The following MAML3 variants were observed in gnomAD, a reference collection of about 807,000 sequenced individuals.
MAML3 encodes mastermind like transcriptional coactivator 3.
Under a neutral mutation model 101.9 loss-of-function variants are expected in MAML3, and 27 were observed. The ratio of observed to expected loss-of-function variants is 0.27; its 90% confidence interval spans 0.20 to 0.37. The LOEUF is 0.37. Ranked by LOEUF, MAML3 falls within the 10% of genes least tolerant of loss-of-function variation. MAML3 has a pLI of 1.00. For synonymous variants in MAML3, 501 were observed against 555.9 expected (o/e 0.90, Z 1.39); for missense variants, 1,316 against 1,444.9 (o/e 0.91, Z 1.45).
intron 1 of MAML3, among the ~76,000 whole-genome samples, chr4:139,940,005 T>C (rs557123123): frequency 6.6e-6 from 1 of 151,962 alleles, no homozygotes; most frequent in Non-Finnish European, 1.5e-5. Context: ...ACCTTGTGAT[T>C]CGTCCACCTC....
At chr4:140,075,918 A>C (rs568612529) in intron 1 of MAML3, among the ~76,000 whole-genome samples, 2 of 152,164 alleles carry the variant, frequency 1.3e-5, no homozygotes, top group African/African-American at 4.8e-5. Context: ...GCACCACAAC[A>C]ACCAGCTAAT....
At position 139,735,086 on chromosome 4, in the gene MAML3, C is replaced by G. The variant is rs561941753; in HGVS notation, c.2080-4419G>C. ...GCCCGCCCCTCCGCGGCCCCCGCCC[C>G]GCGCGTCTGGGCGAGCGCTGCGAAC... On this transcript the variant is annotated intron_variant, in intron 2 of 4. Coordinates refer to ENST00000509479, the MANE Select transcript of MAML3 (RefSeq NM_018717.5). This position sits in a 1 kb window ranked among gnomAD's most constrained non-coding sequence, Gnocchi z 5.8. 6.6e-6 allele frequency among the ~76,000 whole-genome samples: 1 copy of G among 152,206 alleles called. No individual in the cohort carries two copies. Among genetic ancestry groups the G allele is most frequent in the Non-Finnish European group, 1.5e-5 (1 of 68,030 alleles).
At chr4:140,098,156 T>A (rs546796563) in intron 1 of MAML3, among the ~76,000 whole-genome samples, 2 of 152,354 alleles carry the variant, frequency 1.3e-5, no homozygotes, top group South Asian at 4.1e-4. Context: ...TTTGCATATG[T>A]GAAGTGTGTT....
intron 2 of MAML3, among the ~76,000 whole-genome samples, chr4:139,736,051 T>C (rs1728931083): frequency 6.6e-6 from 1 of 151,894 alleles, no homozygotes; most frequent in Admixed American, 6.6e-5. Context: ...AGAGTAAAAA[T>C]AAATCAATGC....
At chr4:139,828,975 G>GAGGAAGGAAGGAAGGA (rs548032946) in intron 2 of MAML3, among the ~76,000 whole-genome samples, 5 of 135,202 alleles carry the variant, frequency 3.7e-5, no homozygotes, top group Non-Finnish European at 7.8e-5. Context: ...CCTGTTGAAA[G>GAGGAAGGAAGGAAGGA]AGGAAGGAAG....
intron 2 of MAML3, among the ~76,000 whole-genome samples, chr4:139,753,277 T>C (rs1042886534): frequency 2.6e-5 from 4 of 152,228 alleles, no homozygotes; most frequent in African/African-American, 7.2e-5. Flanking sequence ...AACTTTTTCA[T>C]CTTAAACAGA....
intron 1 of MAML3, among the ~76,000 whole-genome samples, chr4:139,997,147 T>C (rs537729380): frequency 8.3e-4 from 125 of 150,340 alleles, no homozygotes; most frequent in East Asian, 6.4e-3. Flanking sequence ...TATATATATA[T>C]ACACACACAT....
At chr4:139,772,014 C>T (rs188407739) in intron 2 of MAML3, among the ~76,000 whole-genome samples, 2,029 of 149,690 alleles carry the variant, frequency 0.014, 21 homozygotes, top group South Asian at 0.059. Flanking sequence ...CCGAGGTGGG[C>T]GGATCACGAG....
At chr4:140,145,982 C>T (rs1368165948) in intron 1 of MAML3, among the ~76,000 whole-genome samples, 1 of 144,962 alleles carries the variant, frequency 6.9e-6, no homozygotes, top group East Asian at 2.0e-4. Context: ...CAAGCAATTC[C>T]CCTGCCTCAG....
chr4:139,900,407 G>T (rs1732694420), intron 1 of MAML3, among the ~76,000 whole-genome samples: 1 of 152,150 alleles, frequency 6.6e-6, no homozygotes, highest in Non-Finnish European at 1.5e-5. Context: ...AACATATTGG[G>T]AATGGATCGT....
chr4:139,960,269 A>T (rs1179055752), intron 1 of MAML3, among the ~76,000 whole-genome samples: 1 of 152,220 alleles, frequency 6.6e-6, no homozygotes, highest in Middle Eastern at 3.2e-3. Flanking sequence ...GTGTCAAAGA[A>T]GGAATATGAA....
At chr4:139,829,093 G>C (rs558405399) in intron 2 of MAML3, among the ~76,000 whole-genome samples, 2 of 148,372 alleles carry the variant, frequency 1.3e-5, no homozygotes, top group East Asian at 4.0e-4. Context: ...AGGAAGGAAG[G>C]GGAAAAGGAA....
chr4:139,971,339 T>C (rs1297420784), intron 1 of MAML3, among the ~76,000 whole-genome samples: 1 of 152,220 alleles, frequency 6.6e-6, no homozygotes, highest in African/African-American at 2.4e-5. Flanking sequence ...TCTCTTTATC[T>C]CCAGCTCCAC....
chr4:139,903,407 C>T (rs1464235887), intron 1 of MAML3, among the ~76,000 whole-genome samples: 1 of 152,164 alleles, frequency 6.6e-6, no homozygotes, highest in Non-Finnish European at 1.5e-5. Context: ...CCTTTCTTGA[C>T]AAAAATGTAC....
chr4:140,052,787 G>A (rs1578660311), intron 1 of MAML3, among the ~76,000 whole-genome samples: 1 of 151,824 alleles, frequency 6.6e-6, no homozygotes, highest in Non-Finnish European at 1.5e-5. Flanking sequence ...CACCCATCTC[G>A]CCCTCCCAAA....
intron 1 of MAML3, among the ~76,000 whole-genome samples, chr4:140,065,956 G>A (rs1443179590): frequency 6.6e-6 from 1 of 152,082 alleles, no homozygotes; most frequent in Non-Finnish European, 1.5e-5. Flanking sequence ...CTTTACAAAA[G>A]GATTTACTCA....
chr4:139,870,680 C>G (rs1041239542), intron 2 of MAML3, among the ~76,000 whole-genome samples: 10 of 152,178 alleles, frequency 6.6e-5, no homozygotes, highest in African/African-American at 9.6e-5. Flanking sequence ...CTCACTCTGT[C>G]GCCCAGGCTG....
At chr4:139,822,483 C>G (rs1317732253) in intron 2 of MAML3, among the ~76,000 whole-genome samples, 1 of 152,152 alleles carries the variant, frequency 6.6e-6, no homozygotes. Flanking sequence ...AGGCCTCGTG[C>G]TTTTGAGTCT....
At chr4:139,761,896 G>A (rs1272995667) in intron 2 of MAML3, among the ~76,000 whole-genome samples, 1 of 152,164 alleles carries the variant, frequency 6.6e-6, no homozygotes, top group Admixed American at 6.5e-5. Flanking sequence ...TAGAGGAAGA[G>A]GGACAACATG....
Sources: gnomAD v4.1 joint callset for allele counts (sites outside exome capture counted in the v4.1 genomes callset) on GRCh38, gnomAD v4.1.1 for gene constraint, Gnocchi (gnomAD v3.1) non-coding constraint, MANE v1.5 for transcripts, NCBI Gene and HGNC (gene_info 2026-07-23, HGNC 2026-07-21) for gene names.